The following HPSE2 variants were observed in gnomAD, a reference collection of about 807,000 sequenced individuals.
HPSE2 encodes the protein heparanase 2 (inactive), also known as inactive heparanase-2.
HPSE2 carries 38 observed loss-of-function variants against 60.5 expected under a neutral mutation model. That is an observed-to-expected ratio of 0.63 (90% CI 0.48 to 0.82). HPSE2 has a LOEUF of 0.82. HPSE2 is among the 40% of genes least tolerant of loss of function. HPSE2 has a pLI of 0.00. For missense variants in HPSE2, 713 were observed against 740.4 expected (o/e 0.96, Z 0.43); for synonymous variants, 295 against 293.2 (o/e 1.01, Z -0.06).
chr10:98,668,366 C>T (rs1423119318), intron 6 of HPSE2, among the ~76,000 whole-genome samples: 1 of 152,098 alleles, frequency 6.6e-6, no homozygotes. Flanking sequence ...TCAGTGTTAT[C>T]CCTATCAAAA....
chr10:99,060,702 T>A (rs890933824), intron 3 of HPSE2, among the ~76,000 whole-genome samples: 1 of 143,694 alleles, frequency 7.0e-6, no homozygotes, highest in Non-Finnish European at 1.5e-5. Context: ...AATCTAAGTG[T>A]CCATCAACAG....
chr10:99,279,311 A>G, the HPSE2 span, among the ~76,000 whole-genome samples: 2 of 152,212 alleles, frequency 1.3e-5, no homozygotes, highest in Admixed American at 1.3e-4. Context: ...ACAGAAAGGC[A>G]GGATGATGCT....
chr10:98,865,484 T>C (rs1952565523), intron 3 of HPSE2, among the ~76,000 whole-genome samples: 1 of 151,770 alleles, frequency 6.6e-6, no homozygotes, highest in Non-Finnish European at 1.5e-5. Flanking sequence ...ATTGAGAGAG[T>C]TTACAAGTCA....
chr10:98,996,117 T>G (rs947676548), intron 3 of HPSE2, among the ~76,000 whole-genome samples: 1 of 152,072 alleles, frequency 6.6e-6, no homozygotes, highest in East Asian at 1.9e-4. Flanking sequence ...TAAGGAAACT[T>G]AAATAAAATC....
chr10:98,629,046 T>C (rs576813990), intron 7 of HPSE2, among the ~76,000 whole-genome samples: 20 of 152,350 alleles, frequency 1.3e-4, no homozygotes, highest in Non-Finnish European at 2.9e-4. Flanking sequence ...AAAAAGACTC[T>C]TGAGAGCCTG....
intron 4 of HPSE2, among the ~76,000 whole-genome samples, chr10:98,730,359 G>A (rs1949196863): frequency 6.6e-6 from 1 of 152,030 alleles, no homozygotes; most frequent in South Asian, 2.1e-4. Context: ...AGCCTTAGGT[G>A]CCTATATTAG....
intron 6 of HPSE2, among the ~76,000 whole-genome samples, chr10:98,662,410 A>G (rs1390704862): frequency 6.6e-6 from 1 of 152,256 alleles, no homozygotes; most frequent in Non-Finnish European, 1.5e-5. Flanking sequence ...TTACAGGAAC[A>G]TGGATGGAGC....
chr10:98,881,861 T>G (rs1227795318), intron 3 of HPSE2, among the ~76,000 whole-genome samples: 6 of 151,836 alleles, frequency 4.0e-5, no homozygotes. Flanking sequence ...TACATTATTT[T>G]TTAGTAAATA....
intron 3 of HPSE2, among the ~76,000 whole-genome samples, chr10:98,766,662 T>A (rs1428738922): frequency 2.0e-5 from 3 of 152,150 alleles, no homozygotes; most frequent in African/African-American, 7.2e-5. Context: ...TGGTGACGCA[T>A]GCCTGTAATC....
chr10:98,483,816 GA>G (rs1190859032), intron 10 of HPSE2, among the ~76,000 whole-genome samples: 1 of 152,206 alleles, frequency 6.6e-6, no homozygotes, highest in Non-Finnish European at 1.5e-5. Context: ...CAAGTAGTGT[GA>G]ATGAGAAATA....
chr10:98,682,822 G>A (rs1233654100), intron 6 of HPSE2, among the ~76,000 whole-genome samples: 1 of 152,076 alleles, frequency 6.6e-6, no homozygotes, highest in Non-Finnish European at 1.5e-5. Context: ...AGGGTCCTGA[G>A]ACAAAAAAGT....
At chr10:99,045,465 C>T (rs569977540) in intron 3 of HPSE2, among the ~76,000 whole-genome samples, 62 of 152,166 alleles carry the variant, frequency 4.1e-4, no homozygotes, top group African/African-American at 1.5e-3. Flanking sequence ...CTAAAGCTAG[C>T]AGTTCCTCTC....
chr10:98,978,242 T>C (rs1023001093), intron 3 of HPSE2, among the ~76,000 whole-genome samples: 13 of 152,124 alleles, frequency 8.5e-5, no homozygotes, highest in Non-Finnish European at 1.8e-4. Context: ...GATAAATTTT[T>C]TTAAAAGGCT....
At chr10:98,831,620 G>T (rs1257310329) in intron 3 of HPSE2, among the ~76,000 whole-genome samples, 4 of 152,194 alleles carry the variant, frequency 2.6e-5, no homozygotes, top group Non-Finnish European at 5.9e-5. Flanking sequence ...AGATAAGAGA[G>T]ACCTTGCTCA....
At chr10:99,310,783 C>T in the HPSE2 span, among the ~76,000 whole-genome samples, 3,268 of 152,190 alleles carry the variant, frequency 0.021, 104 homozygotes, top group African/African-American at 0.061. Flanking sequence ...CGAGCCACCA[C>T]GCCCAGCTAA....
upstream of HPSE2, chr10:99,236,002 T>G (rs983999917): frequency 1.4e-5 from 7 of 503,036 alleles, no homozygotes; most frequent in South Asian, 1.0e-4. Flanking sequence ...TTTTTTTCTT[T>G]TTTTTTTTTA....
At chr10:99,061,635 T>A (rs1443919875) in intron 3 of HPSE2, among the ~76,000 whole-genome samples, 1 of 152,208 alleles carries the variant, frequency 6.6e-6, no homozygotes, top group Non-Finnish European at 1.5e-5. Flanking sequence ...AACATATTCA[T>A]CCTCTCCCAT....
intron 3 of HPSE2, among the ~76,000 whole-genome samples, chr10:98,825,385 A>C (rs1462530395): frequency 6.6e-6 from 1 of 152,148 alleles, no homozygotes; most frequent in Non-Finnish European, 1.5e-5. Context: ...TAAGATGCCA[A>C]TTATATAAGT....
chr10:98,747,446 C>T (rs990238144), intron 3 of HPSE2, among the ~76,000 whole-genome samples: 2 of 152,196 alleles, frequency 1.3e-5, no homozygotes, highest in African/African-American at 4.8e-5. Context: ...ACATCAAACA[C>T]AAAAGCATAT....
Sources: allele counts gnomAD v4.1 joint callset (sites outside exome capture counted in the v4.1 genomes callset), GRCh38; gene constraint gnomAD v4.1.1; transcripts MANE v1.5; gene names NCBI Gene and HGNC (gene_info 2026-07-23, HGNC 2026-07-21).